The following PDGFRB variants were observed in gnomAD, a reference collection of about 807,000 sequenced individuals.
The protein encoded by PDGFRB is platelet derived growth factor receptor beta, also known as platelet-derived growth factor receptor beta.
A neutral mutation model predicts 120.2 loss-of-function variants in PDGFRB; 42 were observed. The observed-to-expected ratio is 0.35, with a 90% CI of 0.27 to 0.45. PDGFRB has a LOEUF of 0.45. PDGFRB is among the 20% of genes least tolerant of loss of function. PDGFRB has a pLI of 1.00. For synonymous variants in PDGFRB, 586 were observed against 606.8 expected (o/e 0.97, Z 0.50); for missense variants, 1,149 against 1,476.3 (o/e 0.78, Z 3.63).
chr5:150,140,244 G>A (rs1023017545), intron 1 of PDGFRB, among the ~76,000 whole-genome samples: 3 of 152,172 alleles, frequency 2.0e-5, no homozygotes, highest in African/African-American at 7.2e-5. Flanking sequence ...GCCAATCCCA[G>A]GGAGGCCCAG....
chr5:150,147,348 G>A (rs1760952148), intron 1 of PDGFRB, among the ~76,000 whole-genome samples: 1 of 152,224 alleles, frequency 6.6e-6, no homozygotes, highest in Admixed American at 6.5e-5. Context: ...CCTGAGAGGG[G>A]TCCCAGGCTG....
chr5:150,118,864 G>C lies in PDGFRB; in HGVS notation c.2799-12C>G. 1 of 1,567,558 alleles carries C rather than the reference G, an allele frequency of 6.4e-7. No individual in the cohort carries two copies. Among genetic ancestry groups the C allele is most frequent in the East Asian group, 2.2e-5 (1 of 44,618 alleles). On this transcript the variant is annotated splice_polypyrimidine_tract_variant and intron_variant, in intron 20 of 22. Coordinates refer to ENST00000261799, the MANE Select transcript of PDGFRB (RefSeq NM_002609.4). ...GCATGATCTCATAGCTGGGGATAGGGAGAAGGGTCAGGGCCTCTGGCCCAG... is the reference window on the plus strand; with the variant it reads ...GCATGATCTCATAGCTGGGGATAGGCAGAAGGGTCAGGGCCTCTGGCCCAG...
At position 150,135,511 on chromosome 5, in the gene PDGFRB, G is replaced by A. The variant is rs740750; in HGVS notation, c.364+44C>T. 662,098 of 1,242,056 alleles carry A rather than the reference G, an allele frequency of 0.53. 180,519 individuals are homozygous for A. Among genetic ancestry groups the A allele is most frequent in the Admixed American group, 0.6 (29,146 of 48,438 alleles). 76.9% of individuals were successfully genotyped at this position (1,242,056 alleles called of 1,614,324 possible). ...TGGACTTCCCCTGATGCCTCCAGTT[G>A]ACAAGAGGGGTAAGGAGTGGGCACA... On this transcript the variant is annotated intron_variant, in intron 3 of 22. Transcript: ENST00000261799.
In PDGFRB at chr5:150,123,210, G is replaced by C; in HGVS notation, c.2024-9C>G. On this transcript the variant is annotated splice_polypyrimidine_tract_variant and intron_variant, in intron 14 of 22. Coordinates refer to ENST00000261799, the MANE Select transcript of PDGFRB (RefSeq NM_002609.4). ...GATGATATAGATGGGTCCTGCAGAG[G>C]GACAGGCTCAGGGACAGTCCCTATG... 6 of 1,611,170 alleles carry C rather than the reference G, an allele frequency of 3.7e-6. No homozygotes were observed. The highest frequency in any genetic ancestry group is 5.1e-6 in the Non-Finnish European group (6 of 1,178,712).
intron 11 of PDGFRB, among the ~76,000 whole-genome samples, chr5:150,125,791 G>A (rs1760278135): frequency 6.6e-6 from 1 of 152,228 alleles, no homozygotes; most frequent in African/African-American, 2.4e-5. Flanking sequence ...GAGGCTTCAG[G>A]ACTTGGCAGA....
chr5:150,133,540 G>A, intron 6 of PDGFRB, 46 bp downstream of exon 6: 3 of 1,508,284 alleles, frequency 2.0e-6, no homozygotes, highest in Non-Finnish European at 2.8e-6. Context: ...GTGAGGGTGG[G>A]GAGCGTTGAA....
intron 1 of PDGFRB, among the ~76,000 whole-genome samples, chr5:150,150,277 G>A (rs947946609): frequency 1.3e-5 from 2 of 152,154 alleles, no homozygotes; most frequent in African/African-American, 4.8e-5. Context: ...TGATCTGTAC[G>A]GACCTTAGGT....
chr5:150,119,463 TCA>T lies in PDGFRB; in HGVS notation c.2798+2_2798+3del. Reference sequence around the variant, plus strand: ...TCCTCCCAAATGCATGAGACTCCACTCACATCTCGTCGGAGGCATGGGCAGGC... The same window carrying T: ...TCCTCCCAAATGCATGAGACTCCACTCATCTCGTCGGAGGCATGGGCAGGC... On this transcript the variant is annotated splice_donor_variant and splice_donor_region_variant and intron_variant, in intron 20 of 22. Coordinates refer to ENST00000261799, the MANE Select transcript of PDGFRB (RefSeq NM_002609.4). LOFTEE classifies it high-confidence loss of function. The T allele has an allele frequency of 6.5e-7, 1 of 1,530,806 alleles. No individual in the cohort carries two copies. The highest frequency in any genetic ancestry group is 9.1e-7 in the Non-Finnish European group (1 of 1,103,934). The allele number at this position is 1,530,806 out of a possible 1,614,324, so 94.8% of individuals were successfully genotyped here. A position where few individuals can be genotyped will look rare whatever the true frequency, so the allele number is the denominator to read the frequency against.
At chr5:150,135,325 T>C (rs955871430) in intron 3 of PDGFRB, among the ~76,000 whole-genome samples, 12 of 152,114 alleles carry the variant, frequency 7.9e-5, no homozygotes, top group African/African-American at 2.7e-4. Context: ...GCTGAGAATA[T>C]AGAGTTCTTG....
At chr5:150,135,300 A>G (rs192584360) in intron 3 of PDGFRB, among the ~76,000 whole-genome samples, 20 of 152,226 alleles carry the variant, frequency 1.3e-4, no homozygotes, top group Admixed American at 7.2e-4. Context: ...GTCAAGAGGG[A>G]GCAGATTGGA....
chr5:150,132,748 A>G lies in PDGFRB; in HGVS notation c.1127+2T>C. The G allele has an allele frequency of 6.2e-7, 1 of 1,611,264 alleles. No homozygotes were observed. The highest frequency in any genetic ancestry group is 1.7e-4 in the Middle Eastern group (1 of 6,046). ...AATGGGATGGGAGAGCGAGCTGCTC[A>G]CCGGGTCTCCGACACGTTGCGCGTG... On this transcript the variant is annotated splice_donor_variant, in intron 7 of 22. Transcript: ENST00000261799. LOFTEE classifies it high-confidence loss of function. The surrounding 1 kb of genome is among the most constrained non-coding windows in gnomAD (Gnocchi z 5.0).
At chr5:150,118,326 G>A (rs557316407) in intron 21 of PDGFRB, among the ~76,000 whole-genome samples, 17 of 152,298 alleles carry the variant, frequency 1.1e-4, no homozygotes, top group African/African-American at 3.6e-4. Flanking sequence ...GTTGTTGGAC[G>A]GGGCAGGGTT....
rs753207336 is a variant in PDGFRB at position 150,133,799 on chromosome 5, G to A, written c.760-39C>T. 28 of 1,611,758 alleles carry A rather than the reference G, an allele frequency of 1.7e-5. 1 individual carries two copies. The Middle Eastern group carries it at 4.9e-4, about 28-fold the overall frequency. On this transcript the variant is annotated intron_variant, in intron 5 of 22. Transcript: ENST00000261799. ...TTGGGCAGGCCCCCCAAATCAGGAG[G>A]GGCCGGGGAGAAATCAGCCTGCAAG...
chr5:150,129,366 C>T (rs1341611983), intron 10 of PDGFRB, among the ~76,000 whole-genome samples: 1 of 152,042 alleles, frequency 6.6e-6, no homozygotes, highest in Admixed American at 6.5e-5. Context: ...TATGCTTATA[C>T]ACATACACTC....
At chr5:150,127,060 A>C (rs1218142270) in intron 10 of PDGFRB, among the ~76,000 whole-genome samples, 1 of 152,220 alleles carries the variant, frequency 6.6e-6, no homozygotes, top group African/African-American at 2.4e-5. Flanking sequence ...TGCCTGACCG[A>C]GTGGCCGGTG....
Position 150,130,494 on chromosome 5 carries a change from T to C in PDGFRB, c.1367+45A>G, listed in dbSNP as rs779259445. 8 of 1,593,278 alleles carry C rather than the reference T, an allele frequency of 5.0e-6. No individual in the cohort carries two copies. In the South Asian group the frequency reaches 7.8e-5, roughly 16 times the overall value. On this transcript the variant is annotated intron_variant, in intron 9 of 22. Transcript: ENST00000261799. Reference sequence around the variant, plus strand: ...CTAGATAACCTTCACGAGCTTTTTCTAGCCAGCTGGGGACACTGGGAGACT... The same window carrying C: ...CTAGATAACCTTCACGAGCTTTTTCCAGCCAGCTGGGGACACTGGGAGACT...
chr5:150,130,198 C>G (rs920288747), intron 9 of PDGFRB, among the ~76,000 whole-genome samples: 7 of 152,186 alleles, frequency 4.6e-5, no homozygotes, highest in African/African-American at 1.7e-4. Flanking sequence ...CGGGGTCACA[C>G]GGCGTATGGG....
rs117587676 is a variant in PDGFRB at position 150,133,545 on chromosome 5, G to A, written c.934+41C>T. ...AGCAAAGTGGGTGAGGGTGGGGAGC[G>A]TTGAAGGAATTGGGGATTGGGCTGA... On this transcript the variant is annotated intron_variant, in intron 6 of 22. Coordinates refer to ENST00000261799, the MANE Select transcript of PDGFRB (RefSeq NM_002609.4). 1.3e-4 allele frequency: 196 copies of A among 1,554,884 alleles called. No individual in the cohort carries two copies. The East Asian group carries it at 3.1e-3, about 24-fold the overall frequency.
intron 8 of PDGFRB, among the ~76,000 whole-genome samples, 157 bp downstream of exon 8, chr5:150,131,822 T>A (rs1248896598): frequency 1.3e-5 from 2 of 152,114 alleles, no homozygotes; most frequent in Non-Finnish European, 2.9e-5. Flanking sequence ...AGAGGCCAGG[T>A]TCACACGGCA....
Sources: allele counts gnomAD v4.1 joint callset (sites outside exome capture counted in the v4.1 genomes callset), GRCh38; gene constraint gnomAD v4.1.1; non-coding constraint Gnocchi (gnomAD v3.1); transcripts MANE v1.5; gene names NCBI Gene and HGNC (gene_info 2026-07-23, HGNC 2026-07-21).